The following USP8 variants were observed in gnomAD, a reference collection of about 807,000 sequenced individuals.
USP8 encodes ubiquitin specific peptidase 8, also known as ubiquitin carboxyl-terminal hydrolase 8.
Under a neutral mutation model 130.0 loss-of-function variants are expected in USP8, and 27 were observed. The ratio of observed to expected loss-of-function variants is 0.21; its 90% CI spans 0.15 to 0.29. The LOEUF (loss-of-function observed/expected upper bound fraction) is 0.29, where lower values mean the gene tolerates loss of function less well. USP8 is among the 10% of genes least tolerant of loss of function. The pLI is 1.00. For synonymous variants in USP8, 392 were observed against 444.1 expected, an observed-to-expected ratio of 0.88 and a Z score of 1.48; for missense variants, 1,029 against 1,312.2, an observed-to-expected ratio of 0.78 and a Z score of 3.33.
At chr15:50,478,654 A>G (rs954548176) in intron 10 of USP8, among the ~76,000 whole-genome samples, 19 of 152,154 alleles carry the variant, frequency 1.2e-4, no homozygotes. Flanking sequence ...ATGTTATTGC[A>G]TTTCCTTTCA....
rs2052525515 is a variant in USP8, at chr15:50,499,168, G to C, written c.*80G>C. On this transcript the variant is annotated 3_prime_UTR_variant, in exon 20 of 20. Transcript: ENST00000307179. ...TGAAATGCTTATCAGGATAATGGTAGCTATAGCTGGCCATTTAGAGGAATT... is the reference window on the plus strand; with the variant it reads ...TGAAATGCTTATCAGGATAATGGTACCTATAGCTGGCCATTTAGAGGAATT... 7.3e-7 allele frequency: 1 copy of C among 1,376,608 alleles called. No homozygotes were observed. The highest frequency in any genetic ancestry group is 9.7e-7 in the Non-Finnish European group (1 of 1,029,564). 85.3% of individuals were successfully genotyped at this position (1,376,608 alleles called of 1,614,324 possible).
chr15:50,470,231 C>G (rs1005618995), intron 7 of USP8, among the ~76,000 whole-genome samples: 1 of 152,134 alleles, frequency 6.6e-6, no homozygotes, highest in Non-Finnish European at 1.5e-5. Flanking sequence ...GTCTTTGGAG[C>G]TTTTAACAGA....
chr15:50,456,628 G>A (rs1437632055), intron 4 of USP8, among the ~76,000 whole-genome samples: 1 of 151,808 alleles, frequency 6.6e-6, no homozygotes, highest in African/African-American at 2.4e-5. Context: ...GCTCGCCCCT[G>A]TAATCCCAGC....
chr15:50,468,185 C>G (rs919621255), intron 7 of USP8, among the ~76,000 whole-genome samples: 12 of 145,952 alleles, frequency 8.2e-5, no homozygotes, highest in African/African-American at 3.1e-4. Flanking sequence ...ATCCACCTGC[C>G]TTGGCCTCCC....
intron 7 of USP8, among the ~76,000 whole-genome samples, chr15:50,469,672 C>T (rs1053950483): frequency 6.6e-6 from 1 of 151,958 alleles, no homozygotes; most frequent in Non-Finnish European, 1.5e-5. Flanking sequence ...TTTGGTTTTA[C>T]TTGTGGATAA....
intron 6 of USP8, 72 bp from the exon 7 acceptor site, chr15:50,464,975 G>A: frequency 6.4e-7 from 1 of 1,566,778 alleles, no homozygotes; most frequent in Non-Finnish European, 8.7e-7. Flanking sequence ...AAAGCGGTTT[G>A]TCCTGTGTTT....
chr15:50,482,527 C>G (rs761813899), intron 11 of USP8, among the ~76,000 whole-genome samples: 1 of 152,166 alleles, frequency 6.6e-6, no homozygotes, highest in Non-Finnish European at 1.5e-5. Context: ...TTGGTCAGAT[C>G]GGTGTCATTT....
At chr15:50,461,308 A>T (rs1018040724) in intron 5 of USP8, among the ~76,000 whole-genome samples, 6 of 151,792 alleles carry the variant, frequency 4.0e-5, no homozygotes, top group South Asian at 2.1e-4. Context: ...AACATTTTTT[A>T]AAAAATTAGC....
intron 1 of USP8, among the ~76,000 whole-genome samples, chr15:50,429,846 C>T (rs891512139): frequency 6.6e-6 from 1 of 152,044 alleles, no homozygotes; most frequent in African/African-American, 2.4e-5. Context: ...ATGTTAAGTA[C>T]GATCTGGCTC....
At chr15:50,441,141 G>A (rs149781266) in intron 2 of USP8, among the ~76,000 whole-genome samples, 2 of 152,146 alleles carry the variant, frequency 1.3e-5, no homozygotes, top group African/African-American at 4.8e-5. Flanking sequence ...AATGGGGAGT[G>A]ACTGTAAATA....
chr15:50,439,799 TAATAATAATA>T (rs151243669), intron 2 of USP8, among the ~76,000 whole-genome samples: 21,804 of 134,226 alleles, frequency 0.16, 2,060 homozygotes, highest in Admixed American at 0.29. Context: ...TCAATAATAA[TAATAATAATA>T]ATAATAATAA....
In USP8 at chr15:50,500,654, C is replaced by T; in HGVS notation, c.*1566C>T. On this transcript the variant is annotated 3_prime_UTR_variant, in exon 20 of 20. Transcript: ENST00000307179. ...TTCAGGAAACACCATTTTCCTGGCTCTTAACGCTTTTGTATTGGTATGGAA... is the reference window on the plus strand; with the variant it reads ...TTCAGGAAACACCATTTTCCTGGCTTTTAACGCTTTTGTATTGGTATGGAA... 9.9e-7 allele frequency: 1 copy of T among 1,009,764 alleles called. No homozygotes were observed. The highest frequency in any genetic ancestry group is 1.4e-5 in the South Asian group (1 of 69,950). The allele number at this position is 1,009,764 out of a possible 1,614,324, so 62.6% of individuals were successfully genotyped here.
At chr15:50,434,630 T>G (rs1377441448) in intron 1 of USP8, among the ~76,000 whole-genome samples, 1 of 152,146 alleles carries the variant, frequency 6.6e-6, no homozygotes, top group Non-Finnish European at 1.5e-5. Context: ...TTGTTTTGTT[T>G]TAAAAGACAG....
intron 1 of USP8, among the ~76,000 whole-genome samples, chr15:50,438,526 A>G (rs8032743): frequency 0.089 from 13,617 of 152,234 alleles, 1,308 homozygotes; most frequent in African/African-American, 0.25. Flanking sequence ...TGAAGGTTAC[A>G]GTAAGCCGAG....
intron 1 of USP8, among the ~76,000 whole-genome samples, chr15:50,433,229 G>C (rs934021380): frequency 1.4e-5 from 2 of 146,568 alleles, no homozygotes; most frequent in Non-Finnish European, 3.0e-5. Flanking sequence ...GTGAGACTCC[G>C]TCTCCAAAAA....
At chr15:50,463,126 T>G (rs7170114) in intron 6 of USP8, among the ~76,000 whole-genome samples, 20,857 of 152,024 alleles carry the variant, frequency 0.14, 1,946 homozygotes, top group Middle Eastern at 0.28. Context: ...GTGGATGCCC[T>G]TAGTCCCATC....
intron 1 of USP8, among the ~76,000 whole-genome samples, chr15:50,437,971 A>C (rs1043550920): frequency 1.3e-5 from 2 of 152,230 alleles, no homozygotes; most frequent in African/African-American, 4.8e-5. Flanking sequence ...AGATACCTGG[A>C]GCAAGTATAG....
intron 7 of USP8, among the ~76,000 whole-genome samples, chr15:50,467,982 T>A (rs767724853): frequency 6.6e-6 from 1 of 152,040 alleles, no homozygotes. Context: ...TCGCCCAGGC[T>A]GGAGTGCAAT....
intron 1 of USP8, 53 bp downstream of exon 1, chr15:50,424,567 T>A: frequency 5.0e-6 from 2 of 398,498 alleles, no homozygotes; most frequent in Non-Finnish European, 8.8e-6. Flanking sequence ...TCGTCCGCTG[T>A]GAACGATGAA....
Sources: gnomAD v4.1 joint callset for allele counts (sites outside exome capture counted in the v4.1 genomes callset) on GRCh38, gnomAD v4.1.1 for gene constraint, MANE v1.5 for transcripts, NCBI Gene and HGNC (gene_info 2026-07-23, HGNC 2026-07-21) for gene names.